RBFOX3: variants seen among roughly 807,000 people sequenced by gnomAD.
RBFOX3 encodes the protein RNA binding protein fox-1 homolog 3.
RBFOX3 carries 17 observed loss-of-function variants against 48.7 expected under a neutral mutation model. The ratio of observed to expected loss-of-function variants is 0.35; its 90% confidence interval spans 0.24 to 0.52. The LOEUF (loss-of-function observed/expected upper bound fraction) is 0.52. Among genes scored for constraint, RBFOX3 ranks in the 20% least tolerant of loss-of-function variants. The pLI is 0.94. For synonymous variants in RBFOX3, 212 were observed against 209.5 expected (o/e 1.01, Z -0.10); for missense variants, 382 against 497.5 (o/e 0.77, Z 2.21).
intron 2 of RBFOX3, among the ~76,000 whole-genome samples, chr17:79,318,721 G>C (rs980241592): frequency 2.0e-5 from 3 of 151,974 alleles, no homozygotes; most frequent in East Asian, 1.9e-4. Context: ...TGAGTGTGGT[G>C]GTGGGCGCCT....
At chr17:79,231,150 C>T (rs2060990494) in intron 4 of RBFOX3, among the ~76,000 whole-genome samples, 1 of 152,094 alleles carries the variant, frequency 6.6e-6, no homozygotes, top group African/African-American at 2.4e-5. Context: ...AGGTGGGGAG[C>T]CAAGGTGGCT....
intron 2 of RBFOX3, among the ~76,000 whole-genome samples, chr17:79,393,945 C>A (rs564339647): frequency 4.5e-5 from 5 of 111,560 alleles, no homozygotes; most frequent in South Asian, 2.8e-4. Context: ...TCATACACAT[C>A]ATCTGAGCCG....
intron 1 of RBFOX3, among the ~76,000 whole-genome samples, chr17:79,545,627 C>T (rs1468772329): frequency 6.6e-6 from 1 of 152,194 alleles, no homozygotes; most frequent in African/African-American, 2.4e-5. Flanking sequence ...CAAACACTTC[C>T]AAGAAAACAA....
At position 79,481,689 on chromosome 17, in the gene RBFOX3, T is replaced by C. The variant is rs996118697; in HGVS notation, c.-175+765A>G. Among the ~76,000 whole-genome samples the C allele has an allele frequency of 3.3e-5, 5 of 152,202 alleles. No individual in the cohort carries two copies. Among genetic ancestry groups the C allele is most frequent in the Non-Finnish European group, 7.3e-5 (5 of 68,030 alleles). The stretch of plus-strand genomic sequence containing the variant: ...GGTGAACCAGCAGGGTGGTGCATCC[T>C]AACACCATGGGGAATGGGTGTGGAT... On this transcript the variant is annotated intron_variant, in intron 2 of 14. Transcript: ENST00000693108. The surrounding 1 kb of genome is among the most constrained non-coding windows in gnomAD (Gnocchi z 5.4).
chr17:79,094,841 C>T (rs1302183526), intron 13 of RBFOX3, among the ~76,000 whole-genome samples: 1 of 151,998 alleles, frequency 6.6e-6, no homozygotes, highest in African/African-American at 2.4e-5. Context: ...TGGAGCTCGT[C>T]TGCAGGGAAA....
the RBFOX3 span, among the ~76,000 whole-genome samples, chr17:79,637,643 C>T: frequency 4.0e-5 from 6 of 149,274 alleles, no homozygotes; most frequent in Non-Finnish European, 7.4e-5. Context: ...TGCAGTGAGC[C>T]GAGATCACAC....
At chr17:79,272,944 G>A (rs770467558) in intron 3 of RBFOX3, among the ~76,000 whole-genome samples, 4 of 152,032 alleles carry the variant, frequency 2.6e-5, no homozygotes, top group South Asian at 4.2e-4. Context: ...AGGAGCCTCC[G>A]AGGGTGGTGG....
chr17:79,532,132 A>T (rs1236515754), intron 1 of RBFOX3, among the ~76,000 whole-genome samples: 2 of 151,876 alleles, frequency 1.3e-5, no homozygotes, highest in African/African-American at 4.9e-5. Flanking sequence ...CAGCGCCAGA[A>T]TTACCCTGGA....
chr17:79,299,036 T>C lies in RBFOX3; in HGVS notation c.-74+8688A>G, dbSNP rs1252344075. On this transcript the variant is annotated intron_variant, in intron 3 of 14. Transcript: ENST00000693108. The surrounding 1 kb of genome is among the most constrained non-coding windows in gnomAD (Gnocchi z 4.5). The stretch of plus-strand genomic sequence containing the variant: ...CGAGTCTGTAACTGGAGAGGTTTGT[T>C]TGGATTCAGCATTGCTGAAATCCTC... 2.6e-5 allele frequency among the ~76,000 whole-genome samples: 4 copies of C among 152,110 alleles called. No individual in the cohort carries two copies. Among genetic ancestry groups the C allele is most frequent in the Non-Finnish European group, 4.4e-5 (3 of 68,010 alleles).
chr17:79,129,781 C>A (rs1467268509), intron 4 of RBFOX3, among the ~76,000 whole-genome samples: 1 of 152,280 alleles, frequency 6.6e-6, no homozygotes, highest in African/African-American at 2.4e-5. Context: ...TGGTTCTAAA[C>A]TACCAGCCTG....
chr17:79,256,775 G>A (rs1045332942), intron 3 of RBFOX3, among the ~76,000 whole-genome samples: 3 of 151,944 alleles, frequency 2.0e-5, no homozygotes, highest in Non-Finnish European at 1.5e-5. Context: ...AAAATTAGCC[G>A]GGCATGGTGG....
chr17:79,474,605 A>G (rs1271988564), intron 2 of RBFOX3, among the ~76,000 whole-genome samples: 1 of 152,168 alleles, frequency 6.6e-6, no homozygotes, highest in East Asian at 1.9e-4. Context: ...TGACTTTTGT[A>G]TCCGTGAACT....
At chr17:79,284,410 A>C (rs530747902) in intron 3 of RBFOX3, among the ~76,000 whole-genome samples, 1 of 152,198 alleles carries the variant, frequency 6.6e-6, no homozygotes, top group South Asian at 2.1e-4. Flanking sequence ...TTGTTCAGAA[A>C]ATAACAGCAA....
chr17:79,312,508 A>G (rs1021595517), intron 2 of RBFOX3, among the ~76,000 whole-genome samples: 3 of 151,924 alleles, frequency 2.0e-5, no homozygotes, highest in Admixed American at 1.3e-4. Flanking sequence ...GTGCTCTCGG[A>G]ATGTCTGAGT....
intron 2 of RBFOX3, among the ~76,000 whole-genome samples, chr17:79,419,462 G>A (rs1192874857): frequency 6.6e-6 from 1 of 152,202 alleles, no homozygotes; most frequent in Non-Finnish European, 1.5e-5. Flanking sequence ...CAGGCAACGA[G>A]GACCACCCAG....
intron 2 of RBFOX3, among the ~76,000 whole-genome samples, chr17:79,368,037 G>A (rs2058030191): frequency 6.6e-6 from 1 of 152,210 alleles, no homozygotes; most frequent in African/African-American, 2.4e-5. Flanking sequence ...CACATGGCAA[G>A]GTTAGTCCCA....
At chr17:79,486,506 C>A (rs2079627380) in intron 1 of RBFOX3, among the ~76,000 whole-genome samples, 1 of 152,302 alleles carries the variant, frequency 6.6e-6, no homozygotes, top group Admixed American at 6.5e-5. Flanking sequence ...TCTGAGATCC[C>A]ATCCTGTCCC....
At chr17:79,544,904 A>G (rs1555791401) in intron 1 of RBFOX3, among the ~76,000 whole-genome samples, 2 of 150,940 alleles carry the variant, frequency 1.3e-5, no homozygotes, top group African/African-American at 4.9e-5. Context: ...ACCCTCCCCA[A>G]AGCAGCAAGG....
the RBFOX3 span, among the ~76,000 whole-genome samples, chr17:79,647,278 C>T: frequency 6.6e-6 from 1 of 152,176 alleles, no homozygotes; most frequent in African/African-American, 2.4e-5. Flanking sequence ...ATGGGAATGG[C>T]TCCCAGGAAC....
Sources: gnomAD v4.1 joint callset for allele counts (sites outside exome capture counted in the v4.1 genomes callset) on GRCh38, gnomAD v4.1.1 for gene constraint, Gnocchi (gnomAD v3.1) non-coding constraint, MANE v1.5 for transcripts, NCBI Gene and HGNC (gene_info 2026-07-23, HGNC 2026-07-21) for gene names.